SYNE1: variants seen among roughly 807,000 people sequenced by gnomAD.
SYNE1 encodes spectrin repeat containing nuclear envelope protein 1, also known as nesprin-1.
SYNE1 carries 616 observed loss-of-function variants against 1,111.0 expected under a neutral mutation model. That is an observed-to-expected ratio of 0.55 (90% confidence interval 0.52 to 0.59). The LOEUF (loss-of-function observed/expected upper bound fraction) is 0.59, where lower values mean the gene tolerates loss of function less well. Ranked by LOEUF, SYNE1 falls within the 20% of genes least tolerant of loss-of-function variation. The pLI, the probability that SYNE1 is intolerant of heterozygous loss-of-function variation, is 0.00. For synonymous variants in SYNE1, 3,855 were observed against 3,825.8 expected (o/e 1.01, Z -0.28); for missense variants, 10,006 against 10,417.0 (o/e 0.96, Z 1.72).
intron 3 of SYNE1, among the ~76,000 whole-genome samples, chr6:152,604,620 G>T (rs1050531939): frequency 6.6e-6 from 1 of 151,718 alleles, no homozygotes; most frequent in African/African-American, 2.4e-5. Context: ...TTTTAATTTT[G>T]GAAAAAAGTT....
rs575767387 is a variant in SYNE1, at chr6:152,232,000, T to C, written c.20862+116A>G. 2.3e-4 allele frequency: 176 copies of C among 753,494 alleles called. 2 individuals are homozygous for C. In the South Asian group the frequency reaches 2.8e-3, roughly 12 times the overall value. The allele number at this position is 753,494 out of a possible 1,614,324, so 46.7% of individuals were successfully genotyped here. A position where few individuals can be genotyped will look rare whatever the true frequency, so the allele number is the denominator to read the frequency against. ...TTCTTGCTATTGAATTCCTATCTGG[T>C]CACTGTGTAGGAAACATACATTCCA... is the stretch of plus-strand genomic sequence containing the variant. On this transcript the variant is annotated intron_variant, in intron 113 of 145. Coordinates refer to ENST00000367255, the MANE Select transcript of SYNE1 (RefSeq NM_182961.4).
chr6:152,393,039 T>C (rs527989854), intron 51 of SYNE1, among the ~76,000 whole-genome samples: 45 of 152,222 alleles, frequency 3.0e-4, no homozygotes, highest in Non-Finnish European at 5.9e-4. Context: ...TAGGATTGTC[T>C]GCAGAAGTGG....
In SYNE1 at chr6:152,368,970, A is replaced by G. The variant is rs1204353970; in HGVS notation, c.9807+2T>C. 6.2e-7 allele frequency: 1 copy of G among 1,614,128 alleles called. No individual in the cohort carries two copies. Among genetic ancestry groups the G allele is most frequent in the Non-Finnish European group, 8.5e-7 (1 of 1,180,032 alleles). ...TCACACACAGCACGTGCCAGGCGTTACCTTTGTTAAATTGCTTAGCGCTAG... is the reference window on the plus strand; with the variant it reads ...TCACACACAGCACGTGCCAGGCGTTGCCTTTGTTAAATTGCTTAGCGCTAG... On this transcript the variant is annotated splice_donor_variant, in intron 61 of 145. Transcript: ENST00000367255. LOFTEE classifies it high-confidence loss of function.
At chr6:152,563,486 G>C (rs533302634) in intron 3 of SYNE1, among the ~76,000 whole-genome samples, 12 of 152,090 alleles carry the variant, frequency 7.9e-5, no homozygotes, top group African/African-American at 1.9e-4. Context: ...AGAAAATTAG[G>C]CATTTTATCT....
chr6:152,271,739 A>C (rs1188378307), intron 98 of SYNE1, among the ~76,000 whole-genome samples: 1 of 152,252 alleles, frequency 6.6e-6, no homozygotes, highest in Non-Finnish European at 1.5e-5. Context: ...AAAGGAACCC[A>C]TAGAAAATGG....
At chr6:152,229,831 A>G (rs953135406) in intron 115 of SYNE1, among the ~76,000 whole-genome samples, 1 of 152,214 alleles carries the variant, frequency 6.6e-6, no homozygotes, top group Non-Finnish European at 1.5e-5. Flanking sequence ...ATATAAAAGA[A>G]ATTTTAAAGA....
intron 52 of SYNE1, 101 bp downstream of exon 52, chr6:152,391,176 T>G: frequency 6.4e-7 from 1 of 1,563,112 alleles, no homozygotes; most frequent in Non-Finnish European, 8.7e-7. Flanking sequence ...ACAATCCTCA[T>G]TTAGAGGCTT....
intron 4 of SYNE1, among the ~76,000 whole-genome samples, chr6:152,537,396 T>C (rs186170172): frequency 1.3e-5 from 2 of 152,160 alleles, no homozygotes; most frequent in East Asian, 3.9e-4. Context: ...CCTTAGGTTT[T>C]TTTCTTACTT....
chr6:152,470,192 T>C (rs2098797590), intron 16 of SYNE1, among the ~76,000 whole-genome samples: 2 of 152,200 alleles, frequency 1.3e-5, no homozygotes. Flanking sequence ...CATTAATAAT[T>C]GTTTATTCAC....
chr6:152,489,259 C>T (rs1376532596), intron 11 of SYNE1, among the ~76,000 whole-genome samples: 2 of 152,018 alleles, frequency 1.3e-5, no homozygotes, highest in South Asian at 2.1e-4. Flanking sequence ...ATAATCATAC[C>T]GTACATGATT....
chr6:152,342,656 C>T lies in SYNE1; in HGVS notation c.12225+1425G>A, dbSNP rs139926791. On this transcript the variant is annotated intron_variant, in intron 74 of 145. Coordinates refer to ENST00000367255, the MANE Select transcript of SYNE1 (RefSeq NM_182961.4). ...ATTAAATTATTAAATACTGTTAATTCGTATCTGGCAGCAATAACCTTTATA... is the reference window on the plus strand; with the variant it reads ...ATTAAATTATTAAATACTGTTAATTTGTATCTGGCAGCAATAACCTTTATA... 3.0e-3 allele frequency among the ~76,000 whole-genome samples: 460 copies of T among 152,230 alleles called. 1 individual carries two copies. The highest frequency in any genetic ancestry group is 0.01 in the African/African-American group (435 of 41,540).
chr6:152,214,592 G>C (rs921151462), intron 122 of SYNE1, among the ~76,000 whole-genome samples: 1 of 152,170 alleles, frequency 6.6e-6, no homozygotes, highest in East Asian at 1.9e-4. Context: ...TTGTCAATGG[G>C]ATTAAGGGTC....
chr6:152,455,581 T>C lies in SYNE1; in HGVS notation c.2737A>G (p.Lys913Glu). The part of the protein sequence containing the change: ...DIHVAFQSMV[K>E]KTGDWKKHVE... The stretch of plus-strand genomic sequence containing the variant: ...TGCTTCTTCCAATCTCCAGTTTTCT[T>C]TACCATACTCTTGATGTGAAAAACA... Residue 913 changes from lysine (K) to glutamate (E), a missense_variant, in exon 24 of 146, where the codon AAG becomes GAG. This residue lies in a region of SYNE1 where 1,971 missense variants were observed against 2,084.1 expected (regional missense o/e 0.95). Transcript: ENST00000367255. 6.2e-7 allele frequency: 1 copy of C among 1,614,216 alleles called. No individual in the cohort carries two copies. The highest frequency in any genetic ancestry group is 8.5e-7 in the Non-Finnish European group (1 of 1,180,028).
chr6:152,185,698 C>A (rs2069656918), intron 128 of SYNE1, among the ~76,000 whole-genome samples: 1 of 152,216 alleles, frequency 6.6e-6, no homozygotes, highest in African/African-American at 2.4e-5. Context: ...ACGTCTTAGT[C>A]TCCTCACAGG....
chr6:152,214,084 C>T (rs1176546108), intron 122 of SYNE1, among the ~76,000 whole-genome samples: 1 of 151,440 alleles, frequency 6.6e-6, no homozygotes, highest in Non-Finnish European at 1.5e-5. Flanking sequence ...GACTGTAATC[C>T]CAGCTACTTG....
At position 152,228,616 on chromosome 6, in the gene SYNE1, A is replaced by G. The variant is rs138120394; in HGVS notation, c.21195+1931T>C. Among the ~76,000 whole-genome samples, 221 of 152,340 alleles carry G rather than the reference A, an allele frequency of 1.5e-3. 1 individual carries two copies. Among genetic ancestry groups the G allele is most frequent in the African/African-American group, 5.0e-3 (209 of 41,586 alleles). On this transcript the variant is annotated intron_variant, in intron 115 of 145. Coordinates refer to ENST00000367255, the MANE Select transcript of SYNE1 (RefSeq NM_182961.4). ...GCAAATGGTATTAATGTGGTATTTC[A>G]GTCTTTCAACAGTAAAGTTTATCAC...
intron 75 of SYNE1, among the ~76,000 whole-genome samples, chr6:152,337,552 G>T (rs1331527717): frequency 2.0e-5 from 3 of 152,192 alleles, no homozygotes; most frequent in Non-Finnish European, 2.9e-5. Flanking sequence ...GCCTCCCAAA[G>T]TGCTGGGATT....
intron 96 of SYNE1, 135 bp downstream of exon 96, chr6:152,283,843 C>G: frequency 1.2e-6 from 1 of 822,654 alleles, no homozygotes; most frequent in Middle Eastern, 3.4e-4. Context: ...CCGTGGAGAC[C>G]ATTCTTGAAA....
intron 22 of SYNE1, among the ~76,000 whole-genome samples, chr6:152,458,092 A>G (rs1333851203): frequency 6.6e-6 from 1 of 152,126 alleles, no homozygotes; most frequent in Non-Finnish European, 1.5e-5. Flanking sequence ...CGTTTCATGA[A>G]CAAAGCCCAT....
Sources: allele counts gnomAD v4.1 joint callset (sites outside exome capture counted in the v4.1 genomes callset), GRCh38; gene constraint gnomAD v4.1.1; regional missense constraint gnomAD v4.1.1; transcripts MANE v1.5; gene names NCBI Gene and HGNC (gene_info 2026-07-23, HGNC 2026-07-21).